TMED3: variants seen among roughly 807,000 people sequenced by gnomAD.
TMED3 encodes transmembrane emp24 domain-containing protein 3.
Under a neutral mutation model 15.0 loss-of-function variants are expected in TMED3, and 9 were observed. The observed-to-expected ratio is 0.60, with a 90% CI of 0.36 to 1.04. The LOEUF is 1.04. Ranked by LOEUF, TMED3 falls within the 50% of genes least tolerant of loss-of-function variation. TMED3 has a pLI of 0.01. For missense variants in TMED3, 267 were observed against 278.9 expected, an observed-to-expected ratio of 0.96 and a Z score of 0.30; for synonymous variants, 117 against 121.4, an observed-to-expected ratio of 0.96 and a Z score of 0.24.
chr15:79,312,971 A>G (rs1035694998), intron 1 of TMED3, among the ~76,000 whole-genome samples: 2 of 152,186 alleles, frequency 1.3e-5, no homozygotes, highest in African/African-American at 4.8e-5. Context: ...CCAGGGGGTT[A>G]GTTTGCAGTC....
At chr15:79,384,273 T>C (rs1383829363) in intron 2 of TMED3, 2 of 152,174 alleles carry the variant, frequency 1.3e-5, no homozygotes, top group Non-Finnish European at 2.9e-5. Flanking sequence ...TAGAAATAAA[T>C]AGTAGTGTGG....
At chr15:79,394,745 G>C (rs933251117) in intron 2 of TMED3, among the ~76,000 whole-genome samples, 1 of 152,134 alleles carries the variant, frequency 6.6e-6, no homozygotes, top group African/African-American at 2.4e-5. Context: ...TCATACCTAT[G>C]TTCTGACTAC....
chr15:79,322,975 T>A, downstream of TMED3: 1 of 872,834 alleles, frequency 1.1e-6, no homozygotes, highest in Non-Finnish European at 1.4e-6. Context: ...CAGAGATGTA[T>A]AGAGTGGGCA....
chr15:79,370,013 G>A lies in TMED3; in HGVS notation c.418-41387G>A, dbSNP rs187589236. The stretch of plus-strand genomic sequence containing the variant: ...TATAAATCCACTGTTAATTCTCAAG[G>A]AGAGTTCTGTCTTGGAGAACACAGT... On this transcript the variant is annotated intron_variant, in intron 2 of 2. Coordinates refer to the TMED3 transcript ENST00000424155. Among the ~76,000 whole-genome samples, 350 of 152,348 alleles carry A rather than the reference G, an allele frequency of 2.3e-3. 2 individuals carry two copies. Among genetic ancestry groups the A allele is most frequent in the African/African-American group, 8.0e-3 (332 of 41,576 alleles).
At chr15:79,325,906 T>C (rs1230137877), downstream of TMED3, among the ~76,000 whole-genome samples, 1 of 152,002 alleles carries the variant, frequency 6.6e-6, no homozygotes, top group African/African-American at 2.4e-5. Context: ...CTAGCGCTGC[T>C]GGCAGCCGAT....
intron 2 of TMED3, among the ~76,000 whole-genome samples, chr15:79,365,582 C>T (rs972231975): frequency 3.9e-5 from 6 of 152,126 alleles, no homozygotes; most frequent in Admixed American, 2.0e-4. Context: ...ACTGAATCCA[C>T]GTGTTGCAAG....
chr15:79,384,803 C>G (rs1226017902), intron 2 of TMED3: 1 of 152,172 alleles, frequency 6.6e-6, no homozygotes, highest in East Asian at 1.9e-4. Context: ...GGGAGAATCG[C>G]TCGAGCCCAG....
chr15:79,336,923 TAAC>T (rs377624957), intron 2 of TMED3, among the ~76,000 whole-genome samples: 50 of 152,258 alleles, frequency 3.3e-4, no homozygotes, highest in African/African-American at 1.1e-3. Context: ...GTTATAATAA[TAAC>T]AGACAACAAA....
At chr15:79,388,795 G>A (rs979016911) in intron 2 of TMED3, among the ~76,000 whole-genome samples, 1 of 152,146 alleles carries the variant, frequency 6.6e-6, no homozygotes, top group African/African-American at 2.4e-5. Flanking sequence ...TCTTGCAGGA[G>A]TAAGGTGGTA....
intron 2 of TMED3, chr15:79,384,647 A>T (rs187256654): frequency 4.6e-5 from 7 of 152,246 alleles, no homozygotes; most frequent in Admixed American, 3.9e-4. Flanking sequence ...TGTAGGAAGA[A>T]GGTAGGATAT....
intron 2 of TMED3, among the ~76,000 whole-genome samples, chr15:79,389,828 G>A (rs1031103821): frequency 1.7e-4 from 26 of 151,900 alleles, no homozygotes; most frequent in African/African-American, 6.0e-4. Context: ...ATATTCCTAA[G>A]TTTTGTTTTG....
intron 2 of TMED3, among the ~76,000 whole-genome samples, chr15:79,367,472 T>A (rs1286126918): frequency 6.6e-6 from 1 of 152,132 alleles, no homozygotes; most frequent in Non-Finnish European, 1.5e-5. Context: ...TTCCTTAAAC[T>A]CTCCCCTAAA....
chr15:79,334,232 A>G (rs1476854684), intron 2 of TMED3, among the ~76,000 whole-genome samples: 1 of 152,212 alleles, frequency 6.6e-6, no homozygotes, highest in African/African-American at 2.4e-5. Context: ...ATAGTCAAAA[A>G]TCACTAGCTA....
intron 2 of TMED3, among the ~76,000 whole-genome samples, chr15:79,400,017 C>T (rs535747351): frequency 6.6e-6 from 1 of 152,220 alleles, no homozygotes; most frequent in Non-Finnish European, 1.5e-5. Flanking sequence ...ACATCAATGG[C>T]TTTCTATTGT....
chr15:79,339,684 ATGATGGTGG>A (rs1388980600), intron 2 of TMED3, among the ~76,000 whole-genome samples: 2 of 151,924 alleles, frequency 1.3e-5, no homozygotes, highest in East Asian at 3.9e-4. Context: ...AGTGATGGTG[ATGATGGTGG>A]TGATGGTAGT....
intron 2 of TMED3, among the ~76,000 whole-genome samples, chr15:79,345,190 GT>G (rs1350342873): frequency 2.6e-5 from 4 of 152,036 alleles, no homozygotes; most frequent in Non-Finnish European, 5.9e-5. Context: ...ACATGTGCAG[GT>G]TTGTTACATA....
At chr15:79,397,003 C>G (rs891608593) in intron 2 of TMED3, among the ~76,000 whole-genome samples, 1 of 152,260 alleles carries the variant, frequency 6.6e-6, no homozygotes. Context: ...CAGTGCCGGC[C>G]AAAGCACCCG....
chr15:79,397,273 T>C (rs997036183), intron 2 of TMED3, among the ~76,000 whole-genome samples: 3 of 152,252 alleles, frequency 2.0e-5, no homozygotes, highest in Non-Finnish European at 4.4e-5. Flanking sequence ...CAGTAATTTT[T>C]TGAGAAGGAA....
At chr15:79,352,728 G>A (rs2058896214) in intron 2 of TMED3, among the ~76,000 whole-genome samples, 1 of 139,892 alleles carries the variant, frequency 7.1e-6, no homozygotes, top group Non-Finnish European at 1.5e-5. Flanking sequence ...ACCTTTTATG[G>A]TACTCTTGCT....
Sources: allele counts gnomAD v4.1 joint callset (sites outside exome capture counted in the v4.1 genomes callset), GRCh38; gene constraint gnomAD v4.1.1; transcripts MANE v1.5; gene names NCBI Gene and HGNC (gene_info 2026-07-23, HGNC 2026-07-21).